Variants in RNF123 observed in about 807,000 individuals in gnomAD.
RNF123 encodes E3 ubiquitin-protein ligase RNF123.
In RNF123, 86 loss-of-function variants were observed where a neutral mutation model predicts 168.5. The ratio of observed to expected loss-of-function variants is 0.51; its 90% CI spans 0.43 to 0.61. The LOEUF (loss-of-function observed/expected upper bound fraction) is 0.61, where lower values mean the gene tolerates loss of function less well. RNF123 is among the 20% of genes least tolerant of loss of function. The pLI, the probability that RNF123 is intolerant of heterozygous loss-of-function variation, is 0.00. For missense variants in RNF123, 1,419 were observed against 1,729.7 expected, an observed-to-expected ratio of 0.82 and a Z score of 3.19; for synonymous variants, 666 against 689.1, an observed-to-expected ratio of 0.97 and a Z score of 0.52.
rs549227386 is a variant in RNF123 at position 49,718,927 on chromosome 3, A to G, written c.3501-1584A>G. 3.8e-5 allele frequency: 61 copies of G among 1,613,740 alleles called. 1 individual carries two copies. In the South Asian group the frequency reaches 6.5e-4, roughly 17 times the overall value. ...CAGAGTAAGCAGGTGGGTGGCGCTCAGACCGTGCAGGTGGTCGAAGGAGAA... is the reference window on the plus strand; with the variant it reads ...CAGAGTAAGCAGGTGGGTGGCGCTCGGACCGTGCAGGTGGTCGAAGGAGAA... On this transcript the variant is annotated intron_variant, in intron 35 of 38. Coordinates refer to ENST00000327697, the MANE Select transcript of RNF123 (RefSeq NM_022064.5).
At chr3:49,702,590 A>G (rs767230573) in intron 19 of RNF123, 43 bp from the exon 20 acceptor site, 61 of 1,614,036 alleles carry the variant, frequency 3.8e-5, no homozygotes, top group Non-Finnish European at 5.1e-5. Flanking sequence ...TGGGCAAGGC[A>G]CTGGACTGGC....
intron 35 of RNF123, chr3:49,716,767 G>A (rs540454092): frequency 4.8e-4 from 196 of 404,604 alleles, no homozygotes; most frequent in African/African-American, 3.8e-3. Flanking sequence ...TCCGGAGGGT[G>A]TGCCGTCCTG....
At chr3:49,718,538 C>T (rs767368457) in intron 35 of RNF123, 1 of 1,613,194 alleles carries the variant, frequency 6.2e-7, no homozygotes, top group Non-Finnish European at 8.5e-7. Flanking sequence ...GAAACCCAGG[C>T]AATGCGCATG....
chr3:49,719,478 CA>C, intron 35 of RNF123: 1 of 1,604,948 alleles, frequency 6.2e-7, no homozygotes, highest in Non-Finnish European at 8.5e-7. Context: ...CGGCGACCAC[CA>C]GGGACAGTAC....
In RNF123 at chr3:49,700,462, C is replaced by T. The variant is rs2054358724; in HGVS notation, c.1111-10C>T. The T allele has an allele frequency of 6.2e-7, 1 of 1,613,646 alleles. No homozygotes were observed. On this transcript the variant is annotated splice_polypyrimidine_tract_variant and intron_variant, in intron 13 of 38. Coordinates refer to ENST00000327697, the MANE Select transcript of RNF123 (RefSeq NM_022064.5). ...CCCAGTCATGGCTGCCTTGGCATCT[C>T]TTCCCCCAGGACTACGAGGTACAAG...
At chr3:49,704,523 A>G in intron 21 of RNF123, 127 bp from the exon 22 acceptor site, 1 of 707,134 alleles carries the variant, frequency 1.4e-6, no homozygotes, top group Non-Finnish European at 2.4e-6. Context: ...AGGGGCAGAT[A>G]CGGTGCTAAA....
intron 3 of RNF123, among the ~76,000 whole-genome samples, chr3:49,694,231 T>C (rs947127565): frequency 6.6e-6 from 1 of 152,240 alleles, no homozygotes; most frequent in Admixed American, 6.5e-5. Flanking sequence ...TACAATAAAC[T>C]ACACATACTT....
At chr3:49,705,453 T>C in intron 23 of RNF123, 81 bp from the exon 24 acceptor site, 1 of 1,511,230 alleles carries the variant, frequency 6.6e-7, no homozygotes. Context: ...ATGGGAGAGA[T>C]GATTTCCTCT....
intron 27 of RNF123, 33 bp downstream of exon 27, chr3:49,712,689 G>GA (rs1559684723): frequency 1.2e-6 from 2 of 1,612,758 alleles, no homozygotes; most frequent in South Asian, 2.2e-5. Context: ...GGCAGAAGCA[G>GA]AAAAGGGGTC....
chr3:49,718,483 C>T, intron 35 of RNF123: 1 of 1,613,012 alleles, frequency 6.2e-7, no homozygotes, highest in Non-Finnish European at 8.5e-7. Context: ...CACCGCGATG[C>T]TGCCATCGCG....
In RNF123 at chr3:49,704,768, G is replaced by A; in HGVS notation, c.1959+12G>A. On this transcript the variant is annotated intron_variant, in intron 22 of 38. Transcript: ENST00000327697. ...CAGCTATGGCCCAGGTGCCGCAGTG[G>A]GGGCAGGCGGTGGGATTTGTGTTGG... is the stretch of plus-strand genomic sequence containing the variant. The A allele has an allele frequency of 2.6e-6, 4 of 1,561,946 alleles. No homozygotes were observed. The highest frequency in any genetic ancestry group is 3.5e-6 in the Non-Finnish European group (4 of 1,153,374).
intron 3 of RNF123, among the ~76,000 whole-genome samples, chr3:49,693,259 A>G (rs1303947319): frequency 6.7e-6 from 1 of 150,350 alleles, no homozygotes; most frequent in African/African-American, 2.5e-5. Flanking sequence ...CGTGTTAGCC[A>G]GGATGGTCTT....
chr3:49,702,071 C>T lies in RNF123; in HGVS notation c.1496-12C>T, dbSNP rs775852870. ...TGGAGCCTGAGGGCCATGTTCCTCA[C>T]CTGACCTCCAGTGGTGGAAGAACTA... On this transcript the variant is annotated splice_polypyrimidine_tract_variant and intron_variant, in intron 17 of 38. Coordinates refer to ENST00000327697, the MANE Select transcript of RNF123 (RefSeq NM_022064.5). 3.1e-6 allele frequency: 5 copies of T among 1,613,120 alleles called. No homozygotes were observed. In the South Asian group the frequency reaches 3.3e-5, roughly 11 times the overall value.
In RNF123 at chr3:49,718,440, T is replaced by C. The variant is rs199670077; in HGVS notation, c.3500+1963T>C. ...CGAAGAGTCCCGCATGCTGCTCCTG[T>C]ACGTTGCCTATGGCCAAGCTGCCGT... On this transcript the variant is annotated intron_variant, in intron 35 of 38. Coordinates refer to ENST00000327697, the MANE Select transcript of RNF123 (RefSeq NM_022064.5). 133 of 1,612,982 alleles carry C rather than the reference T, an allele frequency of 8.2e-5. No individual in the cohort carries two copies. In the East Asian group the frequency reaches 2.7e-3, roughly 32 times the overall value.
rs757041624 is a variant in RNF123 at position 49,698,748 on chromosome 3, A to C, written c.571-7A>C. 3.7e-6 allele frequency: 6 copies of C among 1,613,206 alleles called. No homozygotes were observed. Among genetic ancestry groups the C allele is most frequent in the South Asian group, 1.1e-5 (1 of 91,034 alleles). The stretch of plus-strand genomic sequence containing the variant: ...TGTGCATCTGGTGAGGCCTCCTCTC[A>C]TGGCAGGCGTGGGCAGCGGGGGACA... On this transcript the variant is annotated splice_polypyrimidine_tract_variant and splice_region_variant and intron_variant, in intron 8 of 38. Coordinates refer to ENST00000327697, the MANE Select transcript of RNF123 (RefSeq NM_022064.5).
At chr3:49,694,211 A>G (rs1358783150) in intron 3 of RNF123, among the ~76,000 whole-genome samples, 2 of 152,372 alleles carry the variant, frequency 1.3e-5, no homozygotes, top group South Asian at 2.1e-4. Context: ...TTATTGAGCT[A>G]TGATTAATAT....
intron 16 of RNF123, 50 bp from the exon 17 acceptor site, chr3:49,701,761 G>A (rs371347770): frequency 1.1e-4 from 168 of 1,533,574 alleles, no homozygotes; most frequent in Non-Finnish European, 1.5e-4. Context: ...AAGGAGGCCT[G>A]GCTAGGTCCC....
rs2080227314 is a variant in RNF123 at position 49,715,663 on chromosome 3, C to A, written c.3099C>A (p.Val1033=). 6.2e-7 allele frequency: 1 copy of A among 1,614,242 alleles called. No homozygotes were observed. The highest frequency in any genetic ancestry group is 8.5e-7 in the Non-Finnish European group (1 of 1,180,050). Reference sequence around the variant, plus strand: ...TGGCACCCAGCTTCCTCAACAGCGTCCTCAATCAGCTCAACTGGGCCTTCT... The same window carrying A: ...TGGCACCCAGCTTCCTCAACAGCGTACTCAATCAGCTCAACTGGGCCTTCT... ...PDVAPSFLNS[V]LNQLNWAFSE... is the part of the protein sequence containing the mutation. Residue 1033 remains valine (V), a synonymous_variant, in exon 32 of 39, where the codon GTC becomes GTA. Transcript: ENST00000327697.
At chr3:49,719,279 T>C (rs1311211455) in intron 35 of RNF123, 1 of 1,613,076 alleles carries the variant, frequency 6.2e-7, no homozygotes, top group African/African-American at 1.3e-5. Flanking sequence ...AGGTCCGCAG[T>C]AGCGGCAGGT....
Sources: gnomAD v4.1 joint callset for allele counts (sites outside exome capture counted in the v4.1 genomes callset) on GRCh38, gnomAD v4.1.1 for gene constraint, MANE v1.5 for transcripts, NCBI Gene and HGNC (gene_info 2026-07-23, HGNC 2026-07-21) for gene names.